The following CMTR1 variants were observed in gnomAD, a reference collection of about 807,000 sequenced individuals.
CMTR1 encodes the protein cap-specific mRNA (nucleoside-2'-O-)-methyltransferase 1.
In CMTR1, 39 loss-of-function variants were observed where a neutral mutation model predicts 107.0. The ratio of observed to expected loss-of-function variants is 0.36; its 90% CI spans 0.28 to 0.48. CMTR1 has a LOEUF of 0.48. Ranked by LOEUF, CMTR1 falls within the 20% of genes least tolerant of loss-of-function variation. The pLI, the probability that CMTR1 is intolerant of heterozygous loss-of-function variation, is 0.99. For synonymous variants in CMTR1, 366 were observed against 379.5 expected (o/e 0.96, Z 0.41); for missense variants, 672 against 1,064.9 (o/e 0.63, Z 5.14).
chr6:37,435,535 C>T, intron 1 of CMTR1, 89 bp from the exon 2 acceptor site: 2 of 1,418,772 alleles, frequency 1.4e-6, no homozygotes, highest in Non-Finnish European at 1.9e-6. Flanking sequence ...CAAATCTCAT[C>T]CCATTGATGA....
chr6:37,470,906 C>G lies in CMTR1; in HGVS notation c.1506-115C>G, dbSNP rs1761610405. ...GGGTGTGGGTTTCTTTCTCAACTCT[C>G]CAGCTCCTTCACCAAATATAGATGG... On this transcript the variant is annotated intron_variant, in intron 13 of 23. Coordinates refer to ENST00000373451, the MANE Select transcript of CMTR1 (RefSeq NM_015050.3). The G allele has an allele frequency of 5.2e-6, 4 of 762,550 alleles. No individual in the cohort carries two copies. In the East Asian group the frequency reaches 1.1e-4, roughly 21 times the overall value. The allele number at this position is 762,550 out of a possible 1,614,324, so 47.2% of individuals were successfully genotyped here. A position where few individuals can be genotyped will look rare whatever the true frequency, so the allele number is the denominator to read the frequency against.
In CMTR1 at chr6:37,435,735, CCCT is replaced by C. The variant is rs1279123268; in HGVS notation, c.111_113del (p.Ser38del). ...CAGCTCCACGTCCGATGATGAACCT[CCCT>C]CCTCTGTCAGTCATGGAGCAAAAGG... is the stretch of plus-strand genomic sequence containing the variant. On this transcript the variant is annotated inframe_deletion, in exon 2 of 24. Transcript: ENST00000373451. 4 of 1,597,474 alleles carry C rather than the reference CCCT, an allele frequency of 2.5e-6. No individual in the cohort carries two copies. Among genetic ancestry groups the C allele is most frequent in the Non-Finnish European group, 1.7e-6 (2 of 1,174,160 alleles).
chr6:37,479,746 A>G (rs1395824251), intron 23 of CMTR1, among the ~76,000 whole-genome samples: 2 of 152,214 alleles, frequency 1.3e-5, no homozygotes, highest in Non-Finnish European at 2.9e-5. Flanking sequence ...CTAATACTGT[A>G]TATTAGAGAA....
chr6:37,432,003 A>G (rs928084013), upstream of CMTR1, among the ~76,000 whole-genome samples: 1 of 152,190 alleles, frequency 6.6e-6, no homozygotes. Flanking sequence ...TCTTCAGTAG[A>G]GACGGGATTT....
intron 1 of CMTR1, among the ~76,000 whole-genome samples, chr6:37,434,618 T>A (rs937331533): frequency 3.9e-5 from 6 of 152,194 alleles, no homozygotes; most frequent in Non-Finnish European, 8.8e-5. Context: ...GCATGGTGCC[T>A]GTTTCTTTCT....
In CMTR1 at chr6:37,458,190, G is replaced by A. The variant is rs1761335627; in HGVS notation, c.778-422G>A. Among the ~76,000 whole-genome samples, 2 of 151,974 alleles carry A rather than the reference G, an allele frequency of 1.3e-5. No homozygotes were observed. Among genetic ancestry groups the A allele is most frequent in the African/African-American group, 4.8e-5 (2 of 41,356 alleles). On this transcript the variant is annotated intron_variant, in intron 8 of 23. Transcript: ENST00000373451. The surrounding 1 kb of genome is among the most constrained non-coding windows in gnomAD (Gnocchi z 4.7). ...ATGCCTCAGCCTCCCGAGTAGCTGG[G>A]TTTACAGGTGTGCGCCACCACACCT...
rs1172486292 is a variant in CMTR1, at chr6:37,472,683, A to G, written c.1689+196A>G. ...TGTTGAATTCCCCAAGAGCACAGTC[A>G]GGCCAACGGAAGATTCTCATGTTCA... On this transcript the variant is annotated intron_variant, in intron 16 of 23. Coordinates refer to ENST00000373451, the MANE Select transcript of CMTR1 (RefSeq NM_015050.3). This position sits in a 1 kb window ranked among gnomAD's most constrained non-coding sequence, Gnocchi z 4.1. Among the ~76,000 whole-genome samples the G allele has an allele frequency of 6.6e-6, 1 of 152,230 alleles. No individual in the cohort carries two copies. Among genetic ancestry groups the G allele is most frequent in the Non-Finnish European group, 1.5e-5 (1 of 68,026 alleles).
At chr6:37,476,060 CT>C (rs1308886182) in intron 19 of CMTR1, 65 bp from the exon 20 acceptor site, 1 of 1,511,950 alleles carries the variant, frequency 6.6e-7, no homozygotes, top group African/African-American at 1.4e-5. Context: ...TGAAAATGCC[CT>C]GGGGGTAGGG....
At chr6:37,465,956 T>A (rs916922797) in intron 13 of CMTR1, among the ~76,000 whole-genome samples, 3 of 152,020 alleles carry the variant, frequency 2.0e-5, no homozygotes, top group African/African-American at 7.3e-5. Context: ...GCATTGATTG[T>A]GTCCTTTGAT....
Position 37,472,812 on chromosome 6 carries a change from G to T in CMTR1, c.1689+325G>T, listed in dbSNP as rs767720626. ...TTTGCCTACAAAGGAGACATAGAGT[G>T]TGGGATGATCTTAGGCAAGGGAGCT... On this transcript the variant is annotated intron_variant, in intron 16 of 23. Transcript: ENST00000373451. This position sits in a 1 kb window ranked among gnomAD's most constrained non-coding sequence, Gnocchi z 4.1. Among the ~76,000 whole-genome samples, 4 of 152,264 alleles carry T rather than the reference G, an allele frequency of 2.6e-5. No homozygotes were observed. The highest frequency in any genetic ancestry group is 5.9e-5 in the Non-Finnish European group (4 of 68,040).
intron 8 of CMTR1, among the ~76,000 whole-genome samples, chr6:37,456,787 A>C (rs1375018835): frequency 6.6e-6 from 1 of 152,216 alleles, no homozygotes; most frequent in Admixed American, 6.5e-5. Context: ...CAAATGGTTC[A>C]TCCTGTCTGC....
At position 37,472,601 on chromosome 6, in the gene CMTR1, C is replaced by A; in HGVS notation, c.1689+114C>A. 1 of 1,066,928 alleles carries A rather than the reference C, an allele frequency of 9.4e-7. No homozygotes were observed. Among genetic ancestry groups the A allele is most frequent in the Non-Finnish European group, 1.4e-6 (1 of 692,850 alleles). The allele number at this position is 1,066,928 out of a possible 1,614,324, so 66.1% of individuals were successfully genotyped here. On this transcript the variant is annotated intron_variant, in intron 16 of 23. Coordinates refer to ENST00000373451, the MANE Select transcript of CMTR1 (RefSeq NM_015050.3). The surrounding 1 kb of genome is among the most constrained non-coding windows in gnomAD (Gnocchi z 4.1). ...CCAGAGGGCTTGTGCAGATGCCCAC[C>A]ATGGGCTCTAAGGGGCGGAGCTAAG...
At chr6:37,475,209 C>G in intron 18 of CMTR1, 112 bp from the exon 19 acceptor site, 1 of 816,370 alleles carries the variant, frequency 1.2e-6, no homozygotes, top group Non-Finnish European at 2.1e-6. Flanking sequence ...GCATTTAGAG[C>G]CCTACCCTTC....
In CMTR1 at chr6:37,472,316, C is replaced by T. The variant is rs1415206780; in HGVS notation, c.1621-103C>T. ...TAGCCTCCTTTGTTGTGTGCCATTC[C>T]TCCTCCCCAGTCTGACCCTATCTCC... On this transcript the variant is annotated intron_variant, in intron 15 of 23. Transcript: ENST00000373451. This position sits in a 1 kb window ranked among gnomAD's most constrained non-coding sequence, Gnocchi z 4.1. 3 of 1,021,576 alleles carry T rather than the reference C, an allele frequency of 2.9e-6. No homozygotes were observed. The highest frequency in any genetic ancestry group is 3.1e-6 in the Non-Finnish European group (2 of 648,094). 63.3% of individuals were successfully genotyped at this position (1,021,576 alleles called of 1,614,324 possible).
chr6:37,474,725 G>A (rs1002454377), intron 18 of CMTR1, 79 bp downstream of exon 18: 1 of 1,573,686 alleles, frequency 6.4e-7, no homozygotes, highest in Non-Finnish European at 8.6e-7. Context: ...TTTGCCCTGA[G>A]TTAACTTGGT....
At chr6:37,434,473 A>G (rs1197547415) in intron 1 of CMTR1, among the ~76,000 whole-genome samples, 1 of 152,088 alleles carries the variant, frequency 6.6e-6, no homozygotes, top group South Asian at 2.1e-4. Context: ...CACTGTATTC[A>G]CTACTTCTCT....
chr6:37,451,789 CT>C lies in CMTR1; in HGVS notation c.538-11del. Reference sequence around the variant, plus strand: ...AGTCACACGTGGTCATTACTTACTGCTTTTTTCTCCCTGTAGAGAAAGATGA... The same window carrying C: ...AGTCACACGTGGTCATTACTTACTGCTTTTTCTCCCTGTAGAGAAAGATGA... On this transcript the variant is annotated splice_polypyrimidine_tract_variant and intron_variant, in intron 5 of 23. Transcript: ENST00000373451. 6.2e-7 allele frequency: 1 copy of C among 1,607,568 alleles called. No homozygotes were observed. The highest frequency in any genetic ancestry group is 8.5e-7 in the Non-Finnish European group (1 of 1,174,448).
chr6:37,434,181 G>A (rs987202304), intron 1 of CMTR1, among the ~76,000 whole-genome samples: 3 of 152,122 alleles, frequency 2.0e-5, no homozygotes, highest in Admixed American at 2.0e-4. Context: ...CAGTGTCTCC[G>A]GTTCTTCCCT....
At chr6:37,449,449 C>T (rs1206270271) in intron 4 of CMTR1, among the ~76,000 whole-genome samples, 1 of 152,204 alleles carries the variant, frequency 6.6e-6, no homozygotes, top group Non-Finnish European at 1.5e-5. Flanking sequence ...GCTGGGTTTA[C>T]AGATGTGCAC....
Sources: allele counts gnomAD v4.1 joint callset (sites outside exome capture counted in the v4.1 genomes callset), GRCh38; gene constraint gnomAD v4.1.1; non-coding constraint Gnocchi (gnomAD v3.1); transcripts MANE v1.5; gene names NCBI Gene and HGNC (gene_info 2026-07-23, HGNC 2026-07-21).